The following NYX variants were observed in gnomAD, a reference collection of about 807,000 sequenced individuals.
NYX encodes leucine-rich repeat protein.
For missense variants in NYX, 481 were observed against 485.4 expected, an observed-to-expected ratio of 0.99 and a Z score of 0.09; for synonymous variants, 258 against 245.7, an observed-to-expected ratio of 1.05 and a Z score of -0.47.
intron 2 of NYX, among the ~76,000 whole-genome samples, chrX:41,460,364 C>T (rs2859027): frequency 0.32 from 34,661 of 109,474 alleles, 4,603 homozygotes; most frequent in African/African-American, 0.46. Context: ...GACGGGGTTT[C>T]GCCATGTTGG....
In NYX at chrX:41,474,697, G is replaced by A. The variant is rs149170016; in HGVS notation, c.1229G>A (p.Ser410Asn). 5.2e-4 allele frequency: 628 copies of A among 1,196,997 alleles called. 4 individuals carry two copies. In the African/African-American group the frequency reaches 9.2e-3, roughly 17 times the overall value. The change falls in exon 3 of 3, where the codon AGC becomes AAC. Residue 410 changes from serine (S) to asparagine (N), a missense_variant. Coordinates refer to ENST00000378220, the MANE Select transcript of NYX (RefSeq NM_001378477.3). ...GCCACCACCGTGAGCAGGTTCAGCA[G>A]CCTCCTCTCCAAGCTGCTGGCCCCG... is the stretch of plus-strand genomic sequence containing the variant. Reference protein sequence around the residue: ...PAATTVSRFSSLLSKLLAPRV... With the variant: ...PAATTVSRFSNLLSKLLAPRV...
Position 41,473,475 on chromosome X carries a change from C to T in NYX, c.23-16C>T. On this transcript the variant is annotated splice_polypyrimidine_tract_variant and intron_variant, in intron 2 of 2. Transcript: ENST00000378220. ...TTTCTCCTCCTTCCCGACTCCCCAC[C>T]ACCCTGTCCCCGCAGCGGTGGTCCT... 1.0e-6 allele frequency: 1 copy of T among 971,590 alleles called. No individual in the cohort carries two copies. Among genetic ancestry groups the T allele is most frequent in the Non-Finnish European group, 1.3e-6 (1 of 775,302 alleles). The allele number at this position is 971,590 out of a possible 1,213,427, so 80.1% of individuals were successfully genotyped here.
At position 41,473,904 on chromosome X, in the gene NYX, C is replaced by T. The variant is rs759676419; in HGVS notation, c.436C>T (p.Pro146Ser). The change falls in exon 3 of 3, where the codon CCC (proline) becomes TCC (serine). Residue 146 changes from proline (P) to serine (S), a missense_variant. Coordinates refer to ENST00000378220, the MANE Select transcript of NYX (RefSeq NM_001378477.3). ...DLAACRLFSVPERLLAELPAL... is the reference protein window; with the variant it reads ...DLAACRLFSVSERLLAELPAL... ...AGCAGCCTGCCGCCTCTTCAGCGTG[C>T]CCGAGCGCCTCCTGGCCGAACTGCC... 3.6e-6 allele frequency: 4 copies of T among 1,125,390 alleles called. No individual in the cohort carries two copies. Among genetic ancestry groups the T allele is most frequent in the Admixed American group, 2.8e-5 (1 of 36,297 alleles). 92.7% of individuals were successfully genotyped at this position (1,125,390 alleles called of 1,213,427 possible). A position where few individuals can be genotyped will look rare whatever the true frequency, so the allele number is the denominator to read the frequency against.
At chrX:41,456,915 C>G (rs2147014292) in intron 2 of NYX, among the ~76,000 whole-genome samples, 1 of 111,450 alleles carries the variant, frequency 9.0e-6, no homozygotes, top group African/African-American at 3.3e-5. Context: ...TATATTGAAC[C>G]CAACTCCCCA....
chrX:41,472,737 G>C, intron 2 of NYX: 2 of 302,082 alleles, frequency 6.6e-6, no homozygotes, highest in Non-Finnish European at 1.2e-5. Context: ...GCCCCGAGCC[G>C]CGGAGCCTGG....
intron 2 of NYX, among the ~76,000 whole-genome samples, chrX:41,466,787 CTTTTTTTT>C (rs747247175): frequency 9.1e-3 from 186 of 20,518 alleles, no homozygotes; most frequent in African/African-American, 0.036. Flanking sequence ...CCAGACTGGT[CTTTTTTTT>C]TTTTTTTTTT....
chrX:41,474,041 G>A lies in NYX; in HGVS notation c.573G>A (p.Ala191=), dbSNP rs971336293. 1.3e-5 allele frequency: 14 copies of A among 1,055,250 alleles called. No homozygotes were observed. The African/African-American group carries it at 1.6e-4, about 12-fold the overall frequency. 87.0% of individuals were successfully genotyped at this position (1,055,250 alleles called of 1,213,427 possible). ...ACCTGGAGCGCGGCCGCATCGAGGC[G>A]GTGGCCTCCAGCTCGCTGCAGGGCC... is the stretch of plus-strand genomic sequence containing the variant. The part of the protein sequence containing the change: ...HAHLERGRIE[A]VASSSLQGLR... Residue 191 remains alanine (A), a synonymous_variant, in exon 3 of 3, where the codon GCG becomes GCA. Transcript: ENST00000378220.
chrX:41,447,953 G>A, intron 2 of NYX, 27 bp downstream of exon 2: 1 of 1,202,873 alleles, frequency 8.3e-7, no homozygotes, highest in Non-Finnish European at 1.1e-6. Context: ...GTGGGTGCAA[G>A]GGTTGGGAAG....
At chrX:41,457,865 G>T (rs2064304557) in intron 2 of NYX, among the ~76,000 whole-genome samples, 1 of 110,857 alleles carries the variant, frequency 9.0e-6, no homozygotes, top group Non-Finnish European at 1.9e-5. Flanking sequence ...AAAGCTACAA[G>T]GGCTCTCAAA....
intron 2 of NYX, among the ~76,000 whole-genome samples, chrX:41,458,514 C>T (rs1246406070): frequency 6.3e-5 from 7 of 111,160 alleles, no homozygotes; most frequent in Non-Finnish European, 1.1e-4. Context: ...GGCTGGAGTG[C>T]AGTTGTATGA....
Position 41,473,502 on chromosome X carries a change from G to A in NYX, c.34G>A (p.Gly12Ser), listed in dbSNP as rs769075010. Residue 12 changes from glycine to serine, a missense_variant, in exon 3 of 3, where the codon GGC becomes AGC. By Grantham distance (56) the Gly-to-Ser change is moderately conservative (BLOSUM62 0). Transcript: ENST00000378220. ...LVLLLHAVVLGLPSAWAVGAC... is the reference protein window; with the variant it reads ...LVLLLHAVVLSLPSAWAVGAC... Reference sequence around the variant, plus strand: ...CCCTGTCCCCGCAGCGGTGGTCCTCGGCCTGCCCAGCGCCTGGGCCGTGGG... The same window carrying A: ...CCCTGTCCCCGCAGCGGTGGTCCTCAGCCTGCCCAGCGCCTGGGCCGTGGG... 1.0e-6 allele frequency: 1 copy of A among 982,000 alleles called. No individual in the cohort carries two copies. Among genetic ancestry groups the A allele is most frequent in the Non-Finnish European group, 1.3e-6 (1 of 781,767 alleles). 80.9% of individuals were successfully genotyped at this position (982,000 alleles called of 1,213,427 possible).
chrX:41,450,319 C>T (rs1017795237), intron 2 of NYX, among the ~76,000 whole-genome samples: 16 of 111,786 alleles, frequency 1.4e-4, no homozygotes, highest in African/African-American at 5.2e-4. Context: ...CTCTGTTGCC[C>T]AGGCTGGAGT....
At chrX:41,466,684 C>T (rs180832323) in intron 2 of NYX, among the ~76,000 whole-genome samples, 203 of 102,912 alleles carry the variant, frequency 2.0e-3, no homozygotes, top group African/African-American at 4.4e-3. Flanking sequence ...CTCAGCCTCT[C>T]GAGTAGCTGG....
intron 2 of NYX, among the ~76,000 whole-genome samples, chrX:41,471,335 C>G (rs2064359102): frequency 8.9e-6 from 1 of 111,882 alleles, no homozygotes; most frequent in African/African-American, 3.3e-5. Flanking sequence ...TAGTCTTTAA[C>G]TCCTCACCTC....
At chrX:41,472,303 C>A (rs1254629190) in intron 2 of NYX, 8 of 1,138,530 alleles carry the variant, frequency 7.0e-6, no homozygotes, top group Non-Finnish European at 9.6e-6. Flanking sequence ...ATCGGAGCAG[C>A]GCCTCTGCTT....
chrX:41,468,830 AG>A (rs997283590), intron 2 of NYX, among the ~76,000 whole-genome samples: 2 of 111,375 alleles, frequency 1.8e-5, no homozygotes, highest in African/African-American at 6.5e-5. Flanking sequence ...TGATAGAAAA[AG>A]GTTCTGCCTC....
Position 41,447,853 on chromosome X carries a change from G to T in NYX, c.-52G>T. On this transcript the variant is annotated 5_prime_UTR_variant, in exon 2 of 3. Transcript: ENST00000378220. ...ACCTGTCCTTTCTCCCCTCAGGTAG[G>T]GGTCCCACGGCTGGGTGGTCCTAAG... is the stretch of plus-strand genomic sequence containing the variant. 1 of 1,206,621 alleles carries T rather than the reference G, an allele frequency of 8.3e-7. No individual in the cohort carries two copies. Among genetic ancestry groups the T allele is most frequent in the Non-Finnish European group, 1.1e-6 (1 of 891,572 alleles).
intron 2 of NYX, among the ~76,000 whole-genome samples, chrX:41,463,866 G>A (rs1043823185): frequency 3.6e-5 from 4 of 111,529 alleles, no homozygotes; most frequent in Non-Finnish European, 7.5e-5. Context: ...CCACCGTGCC[G>A]GCCAGTAGTC....
intron 2 of NYX, among the ~76,000 whole-genome samples, chrX:41,470,029 A>G (rs1021465317): frequency 1.8e-5 from 2 of 110,210 alleles, no homozygotes; most frequent in Non-Finnish European, 3.8e-5. Flanking sequence ...CAGCGTGTCT[A>G]TAATTAATTC....
Sources: gnomAD v4.1 joint callset for allele counts (sites outside exome capture counted in the v4.1 genomes callset) on GRCh38, gnomAD v4.1.1 for gene constraint, MANE v1.5 for transcripts, NCBI Gene and HGNC (gene_info 2026-07-23, HGNC 2026-07-21) for gene names.